The following DYSF variants were observed in gnomAD, a reference collection of about 807,000 sequenced individuals.
DYSF encodes the protein dysferlin.
In DYSF, 212 loss-of-function variants were observed where a neutral mutation model predicts 274.9. That is an observed-to-expected ratio of 0.77 (90% CI 0.69 to 0.86). The LOEUF (loss-of-function observed/expected upper bound fraction) is 0.86. Ranked by LOEUF, DYSF falls within the 40% of genes least tolerant of loss-of-function variation. DYSF has a pLI of 0.00. For synonymous variants in DYSF, 1,091 were observed against 1,078.7 expected (o/e 1.01, Z -0.22); for missense variants, 2,666 against 2,783.2 (o/e 0.96, Z 0.95).
chr2:71,575,914 G>C (rs1047269910), intron 30 of DYSF, among the ~76,000 whole-genome samples: 1 of 152,212 alleles, frequency 6.6e-6, no homozygotes, highest in East Asian at 1.9e-4. Context: ...GGCTCTCTCT[G>C]TGTGGTAGCA....
At chr2:71,511,029 C>T (rs1487105744) in intron 4 of DYSF, among the ~76,000 whole-genome samples, 1 of 152,204 alleles carries the variant, frequency 6.6e-6, no homozygotes, top group Admixed American at 6.5e-5. Context: ...CTTGCTGGAC[C>T]TGTGGAGCCG....
intron 40 of DYSF, among the ~76,000 whole-genome samples, chr2:71,618,388 G>GGC (rs1558639683): frequency 1.9e-4 from 1 of 5,142 alleles, no homozygotes; most frequent in African/African-American, 7.7e-4. Context: ...TGGTAGAGGT[G>GGC]GTGTGTGTGT....
chr2:71,634,791 A>T (rs1034036310), intron 41 of DYSF, among the ~76,000 whole-genome samples: 3 of 152,148 alleles, frequency 2.0e-5, no homozygotes, highest in Non-Finnish European at 4.4e-5. Context: ...ACAGGGAGGA[A>T]GTCCTGGTCA....
chr2:71,575,283 G>T (rs574281062), intron 30 of DYSF, among the ~76,000 whole-genome samples: 1 of 152,152 alleles, frequency 6.6e-6, no homozygotes, highest in African/African-American at 2.4e-5. Context: ...GGCTGGGGAG[G>T]CTCTGTCAGT....
At chr2:71,643,900 A>G in intron 41 of DYSF, 65 bp from the exon 42 acceptor site, 1 of 1,347,946 alleles carries the variant, frequency 7.4e-7, no homozygotes, top group Non-Finnish European at 1.0e-6. Context: ...AGGGTTTCCA[A>G]CTCTGAAGAA....
chr2:71,646,412 A>T (rs2094568421), intron 42 of DYSF, among the ~76,000 whole-genome samples: 1 of 152,216 alleles, frequency 6.6e-6, no homozygotes. Context: ...TCCAAGTGAA[A>T]ATAGGCTGTC....
At chr2:71,471,315 C>T (rs1009121196) in intron 1 of DYSF, among the ~76,000 whole-genome samples, 2 of 152,048 alleles carry the variant, frequency 1.3e-5, no homozygotes, top group African/African-American at 2.4e-5. Flanking sequence ...TGATTTAATA[C>T]AGTAGTTCTC....
At chr2:71,533,858 G>A (rs2089013728) in intron 14 of DYSF, among the ~76,000 whole-genome samples, 2 of 152,270 alleles carry the variant, frequency 1.3e-5, no homozygotes, top group Middle Eastern at 3.4e-3. Flanking sequence ...TTTCTGAGTG[G>A]GATGAAGCAT....
At chr2:71,563,743 G>A (rs2091921448) in intron 23 of DYSF, among the ~76,000 whole-genome samples, 1 of 152,200 alleles carries the variant, frequency 6.6e-6, no homozygotes, top group South Asian at 2.1e-4. Context: ...GAGGACCTAA[G>A]AATGTAAGGT....
intron 16 of DYSF, among the ~76,000 whole-genome samples, chr2:71,538,709 G>A (rs7606005): frequency 0.022 from 3,394 of 152,322 alleles, 122 homozygotes; most frequent in African/African-American, 0.076. Context: ...CTTGGAGATA[G>A]TTTCTTCCTG....
intron 1 of DYSF, among the ~76,000 whole-genome samples, chr2:71,468,311 A>G (rs1399772249): frequency 6.6e-6 from 1 of 152,180 alleles, no homozygotes; most frequent in African/African-American, 2.4e-5. Flanking sequence ...GTCTGCTCAC[A>G]GCTCTTTCCC....
chr2:71,679,007 G>A, intron 52 of DYSF, 50 bp from the exon 53 acceptor site: 1 of 1,574,772 alleles, frequency 6.4e-7, no homozygotes, highest in Non-Finnish European at 8.7e-7. Flanking sequence ...GTGGCTACAG[G>A]CTGGCAGTGA....
intron 30 of DYSF, among the ~76,000 whole-genome samples, chr2:71,574,834 C>T (rs1379586175): frequency 6.6e-6 from 1 of 152,166 alleles, no homozygotes; most frequent in Non-Finnish European, 1.5e-5. Flanking sequence ...AGAAGCTGAG[C>T]CCCAGGATGA....
intron 30 of DYSF, among the ~76,000 whole-genome samples, chr2:71,587,935 C>T (rs1027813043): frequency 1.3e-5 from 2 of 152,206 alleles, no homozygotes; most frequent in Non-Finnish European, 2.9e-5. Context: ...TTTTGCAGGC[C>T]CTTTGCAGCA....
intron 40 of DYSF, among the ~76,000 whole-genome samples, chr2:71,614,806 G>A (rs1021278324): frequency 6.6e-6 from 1 of 152,166 alleles, no homozygotes; most frequent in African/African-American, 2.4e-5. Flanking sequence ...GAATTTTCTG[G>A]CTACTGTCTG....
chr2:71,576,011 ACT>A (rs1170011031), intron 30 of DYSF, among the ~76,000 whole-genome samples: 1 of 152,104 alleles, frequency 6.6e-6, no homozygotes, highest in Admixed American at 6.5e-5. Flanking sequence ...ACAGCGCCAC[ACT>A]CTGTTTTCCA....
chr2:71,602,558 A>G, intron 35 of DYSF: 1 of 533,458 alleles, frequency 1.9e-6, no homozygotes, highest in Non-Finnish European at 3.5e-6. Context: ...CATCCATCAC[A>G]CCTTCTTTCC....
rs139280674 is a variant in DYSF, at chr2:71,648,165, C to G, written c.4626+4102C>G. ...ACTTATCAGTAGAAGAGGACATATACCTACTTGAAAAATTTTGCCAAGGAG... is the reference window on the plus strand; with the variant it reads ...ACTTATCAGTAGAAGAGGACATATAGCTACTTGAAAAATTTTGCCAAGGAG... On this transcript the variant is annotated intron_variant, in intron 42 of 55. Coordinates refer to ENST00000410020, the MANE Select transcript of DYSF (RefSeq NM_001130987.2). 4.0e-3 allele frequency among the ~76,000 whole-genome samples: 614 copies of G among 152,252 alleles called. 5 individuals carry two copies. The highest frequency in any genetic ancestry group is 0.014 in the African/African-American group (588 of 41,538).
intron 52 of DYSF, among the ~76,000 whole-genome samples, chr2:71,676,288 T>C (rs897875122): frequency 6.6e-6 from 1 of 152,138 alleles, no homozygotes; most frequent in African/African-American, 2.4e-5. Flanking sequence ...TTGTACAGGG[T>C]GCCATTTTCC....
Sources: allele counts gnomAD v4.1 joint callset (sites outside exome capture counted in the v4.1 genomes callset), GRCh38; gene constraint gnomAD v4.1.1; transcripts MANE v1.5; gene names NCBI Gene and HGNC (gene_info 2026-07-23, HGNC 2026-07-21).